OLFML2A: variants seen among roughly 807,000 people sequenced by gnomAD.
OLFML2A encodes olfactomedin like 2A, also known as olfactomedin-like protein 2A.
In OLFML2A, 47 loss-of-function variants were observed where a neutral mutation model predicts 60.9. The ratio of observed to expected loss-of-function variants is 0.77; its 90% confidence interval spans 0.61 to 0.98. The LOEUF (loss-of-function observed/expected upper bound fraction) is 0.98. OLFML2A is among the 50% of genes least tolerant of loss of function. The pLI, the probability that OLFML2A is intolerant of heterozygous loss-of-function variation, is 0.00. For missense variants in OLFML2A, 922 were observed against 879.8 expected (o/e 1.05, Z -0.61); for synonymous variants, 372 against 375.0 (o/e 0.99, Z 0.09).
At chr9:124,790,715 C>T (rs1841553163) in intron 2 of OLFML2A, among the ~76,000 whole-genome samples, 1 of 152,042 alleles carries the variant, frequency 6.6e-6, no homozygotes, top group African/African-American at 2.4e-5. Context: ...TTCAGGGACC[C>T]CCAAGAGGAG....
chr9:124,810,262 C>A lies in OLFML2A; in HGVS notation c.1809C>A (p.Asp603Glu), dbSNP rs756480639. The A allele has an allele frequency of 6.2e-7, 1 of 1,612,146 alleles. No homozygotes were observed. The highest frequency in any genetic ancestry group is 1.1e-5 in the South Asian group (1 of 91,078). ...QQEGQVAYAF[D>E]THTGTDARPQ... ...AAGGCCAGGTCGCCTACGCTTTCGA[C>A]ACGCACACGGGCACCGACGCACGCC... Residue 603 changes from aspartate to glutamate, a missense_variant, in exon 8 of 8, where the codon GAC (aspartate) becomes GAA (glutamate). Transcript: ENST00000373580.
intron 2 of OLFML2A, among the ~76,000 whole-genome samples, chr9:124,792,927 C>T (rs1047417927): frequency 2.4e-4 from 10 of 40,880 alleles, no homozygotes; most frequent in Non-Finnish European, 5.1e-4. Context: ...TGCAGACCCT[C>T]GGGGCCAAAG....
intron 4 of OLFML2A, chr9:124,800,903 G>C: frequency 6.5e-7 from 1 of 1,537,650 alleles, no homozygotes; most frequent in African/African-American, 1.4e-5. Context: ...GACCAACCCT[G>C]TCCCAGTTTG....
intron 4 of OLFML2A, 71 bp from the exon 5 acceptor site, chr9:124,801,343 C>A: frequency 3.3e-6 from 5 of 1,526,886 alleles, no homozygotes; most frequent in Non-Finnish European, 3.6e-6. Flanking sequence ...TCCCCACATG[C>A]TGAGCCCCCA....
rs770999605 is a variant in OLFML2A, at chr9:124,810,185, T to C, written c.1732T>C (p.Cys578Arg). Residue 578 changes from cysteine to arginine, a missense_variant, in exon 8 of 8, where the codon TGC becomes CGC. Physicochemically the swap from Cys to Arg is radical, Grantham distance 180. Coordinates refer to ENST00000373580, the MANE Select transcript of OLFML2A (RefSeq NM_182487.4). ...TRLRRNSYGN[C>R]FLVCGILYAV... ...GCTGCGGCGGAACTCCTACGGGAAC[T>C]GCTTCCTGGTGTGCGGCATCCTGTA... is the stretch of plus-strand genomic sequence containing the variant. 1 of 1,613,906 alleles carries C rather than the reference T, an allele frequency of 6.2e-7. No homozygotes were observed. The highest frequency in any genetic ancestry group is 8.5e-7 in the Non-Finnish European group (1 of 1,180,006).
intron 6 of OLFML2A, among the ~76,000 whole-genome samples, chr9:124,806,859 C>G (rs1202222087): frequency 1.3e-5 from 2 of 152,128 alleles, no homozygotes; most frequent in Non-Finnish European, 2.9e-5. Context: ...CCGCCCACCT[C>G]AGCCTCCCAA....
At chr9:124,803,199 G>GCGCC (rs1841815949) in intron 5 of OLFML2A, among the ~76,000 whole-genome samples, 1 of 152,090 alleles carries the variant, frequency 6.6e-6, no homozygotes, top group Admixed American at 6.6e-5. Flanking sequence ...ATGAGCCACC[G>GCGCC]CGCCCGGCCG....
In OLFML2A at chr9:124,786,929, C is replaced by G. The variant is rs192390315; in HGVS notation, c.91-46C>G. ...CTCTCCCTTCCTCCCTGCCATAGCA[C>G]TGCCTAGCAGCAACTCACTGGAGCC... On this transcript the variant is annotated intron_variant, in intron 1 of 7. Transcript: ENST00000373580. 6.7e-4 allele frequency: 1,055 copies of G among 1,570,390 alleles called. 10 individuals are homozygous for G. In the African/African-American group the frequency reaches 0.012, roughly 18 times the overall value.
intron 4 of OLFML2A, chr9:124,801,152 A>C (rs151217528): frequency 0.014 from 17,158 of 1,223,304 alleles, 159 homozygotes; most frequent in Middle Eastern, 0.027. Context: ...ACAGGAGTTG[A>C]GAAGTGGGAC....
chr9:124,804,210 G>A lies in OLFML2A; in HGVS notation c.1036G>A (p.Glu346Lys), dbSNP rs372467417. Residue 346 changes from glutamate (E) to lysine (K), a missense_variant, in exon 6 of 8, where the codon GAG becomes AAG. Glu to Lys is a moderately conservative substitution (Grantham distance 56). Coordinates refer to ENST00000373580, the MANE Select transcript of OLFML2A (RefSeq NM_182487.4). Reference sequence around the variant, plus strand: ...GGATGAGGCTGAGCCCAGGTCCTCCGAGCGAGTGGACCTGGCTTCTGGCAC... The same window carrying A: ...GGATGAGGCTGAGCCCAGGTCCTCCAAGCGAGTGGACCTGGCTTCTGGCAC... ...EQDEAEPRSS[E>K]RVDLASGTPT... 93 of 1,613,890 alleles carry A rather than the reference G, an allele frequency of 5.8e-5. 1 individual carries two copies. The highest frequency in any genetic ancestry group is 4.3e-4 in the South Asian group (39 of 91,074).
At position 124,779,555 on chromosome 9, in the gene OLFML2A, G is replaced by C. The variant is rs543436695; in HGVS notation, c.90+2195G>C. Among the ~76,000 whole-genome samples the C allele has an allele frequency of 9.9e-5, 15 of 152,088 alleles. No homozygotes were observed. The highest frequency in any genetic ancestry group is 9.7e-4 in the East Asian group (5 of 5,170). On this transcript the variant is annotated intron_variant, in intron 1 of 7. Transcript: ENST00000373580. This position sits in a 1 kb window ranked among gnomAD's most constrained non-coding sequence, Gnocchi z 4.1. ...GTTGTGTGTGTGTGTGGTGGGGGGG[G>C]GGTGTTTAGCTGTCCCAGGACAAGC... is the stretch of plus-strand genomic sequence containing the variant.
chr9:124,785,849 AC>A (rs1252990024), intron 1 of OLFML2A, among the ~76,000 whole-genome samples: 1 of 152,180 alleles, frequency 6.6e-6, no homozygotes, highest in Non-Finnish European at 1.5e-5. Context: ...GTGAGGTGGC[AC>A]ATACTGTAAT....
At chr9:124,789,157 T>A (rs1841531571) in intron 2 of OLFML2A, among the ~76,000 whole-genome samples, 1 of 152,218 alleles carries the variant, frequency 6.6e-6, no homozygotes, top group African/African-American at 2.4e-5. Context: ...CTCAAACTCC[T>A]GGGCTCAGAC....
chr9:124,779,072 A>C lies in OLFML2A; in HGVS notation c.90+1712A>C. 95 of 368,446 alleles carry C rather than the reference A, an allele frequency of 2.6e-4. No individual in the cohort carries two copies. The highest frequency in any genetic ancestry group is 3.3e-4 in the Non-Finnish European group (88 of 266,088). 22.8% of individuals were successfully genotyped at this position (368,446 alleles called of 1,614,324 possible). A position where few individuals can be genotyped will look rare whatever the true frequency, so the allele number is the denominator to read the frequency against. On this transcript the variant is annotated intron_variant, in intron 1 of 7. Transcript: ENST00000373580. The surrounding 1 kb of genome is among the most constrained non-coding windows in gnomAD (Gnocchi z 4.1). ...AAAGCACCCACGTACAACGCTGCTC[A>C]TGTACTCCAGAGACAAGGAGGGAAT... is the stretch of plus-strand genomic sequence containing the variant.
chr9:124,790,720 G>T (rs1841553214), intron 2 of OLFML2A, among the ~76,000 whole-genome samples: 1 of 152,130 alleles, frequency 6.6e-6, no homozygotes, highest in South Asian at 2.1e-4. Context: ...GGACCCCCAA[G>T]AGGAGAAGGC....
intron 2 of OLFML2A, 96 bp downstream of exon 2, chr9:124,787,334 T>C: frequency 1.7e-6 from 2 of 1,199,028 alleles, no homozygotes; most frequent in South Asian, 2.8e-5. Flanking sequence ...GTGAGGCGAG[T>C]GGTGTTACTG....
intron 6 of OLFML2A, among the ~76,000 whole-genome samples, chr9:124,807,087 A>G (rs1841908446): frequency 1.6e-5 from 2 of 124,458 alleles, no homozygotes; most frequent in South Asian, 2.9e-4. Context: ...CTAATTAAAA[A>G]AATTTTTTTT....
intron 5 of OLFML2A, 107 bp downstream of exon 5, chr9:124,801,770 T>G: frequency 4.1e-6 from 5 of 1,220,016 alleles, no homozygotes; most frequent in Non-Finnish European, 5.7e-6. Context: ...TTCCACCCAT[T>G]GATTACCTGT....
At chr9:124,791,172 C>T (rs1355586359) in intron 2 of OLFML2A, among the ~76,000 whole-genome samples, 2 of 152,074 alleles carry the variant, frequency 1.3e-5, no homozygotes, top group South Asian at 2.1e-4. Flanking sequence ...TGTGGGAGCC[C>T]CAAGGAGGGG....
Sources: allele counts gnomAD v4.1 joint callset (sites outside exome capture counted in the v4.1 genomes callset), GRCh38; gene constraint gnomAD v4.1.1; non-coding constraint Gnocchi (gnomAD v3.1); transcripts MANE v1.5; gene names NCBI Gene and HGNC (gene_info 2026-07-23, HGNC 2026-07-21).